Variants in SEMA5A observed in about 807,000 individuals in gnomAD.
SEMA5A encodes the protein semaphorin-5A.
In SEMA5A, 55 loss-of-function variants were observed where a neutral mutation model predicts 135.5. The observed-to-expected ratio is 0.41, with a 90% CI of 0.33 to 0.51. The LOEUF is 0.51. Among genes scored for constraint, SEMA5A ranks in the 20% least tolerant of loss-of-function variants. The pLI is 0.37. For missense variants in SEMA5A, 1,290 were observed against 1,419.9 expected, an observed-to-expected ratio of 0.91 and a Z score of 1.47; for synonymous variants, 580 against 546.5, an observed-to-expected ratio of 1.06 and a Z score of -0.85.
intron 16 of SEMA5A, among the ~76,000 whole-genome samples, chr5:9,090,500 T>G (rs1001446229): frequency 1.3e-5 from 2 of 152,250 alleles, no homozygotes; most frequent in Non-Finnish European, 2.9e-5. Flanking sequence ...GAAAGAACTC[T>G]TCTCTGCATG....
intron 3 of SEMA5A, among the ~76,000 whole-genome samples, chr5:9,368,022 G>A (rs1754988329): frequency 6.6e-6 from 1 of 152,188 alleles, no homozygotes. Context: ...CTGCAGAACT[G>A]TTAGTCAAAT....
At chr5:9,088,707 G>A (rs1738867963) in intron 16 of SEMA5A, among the ~76,000 whole-genome samples, 1 of 146,392 alleles carries the variant, frequency 6.8e-6, no homozygotes, top group African/African-American at 2.6e-5. Context: ...CCAAATAGGA[G>A]TGTGGACACT....
chr5:9,520,141 A>G (rs868201218), intron 1 of SEMA5A, among the ~76,000 whole-genome samples: 19 of 152,316 alleles, frequency 1.2e-4, no homozygotes, highest in Middle Eastern at 3.4e-3. Flanking sequence ...TTGTAACCTC[A>G]GAGGTACAGA....
intron 13 of SEMA5A, among the ~76,000 whole-genome samples, chr5:9,128,516 G>T (rs1453980154): frequency 1.3e-5 from 2 of 152,198 alleles, no homozygotes; most frequent in East Asian, 3.8e-4. Context: ...GGGAATCAAA[G>T]ACTTGCTCAT....
intron 1 of SEMA5A, among the ~76,000 whole-genome samples, chr5:9,543,094 C>T (rs1265061627): frequency 6.6e-6 from 1 of 152,202 alleles, no homozygotes; most frequent in African/African-American, 2.4e-5. Flanking sequence ...CTCTCTCTAA[C>T]ATCAGGAGCA....
intron 15 of SEMA5A, among the ~76,000 whole-genome samples, chr5:9,117,162 C>T (rs946972020): frequency 6.6e-6 from 1 of 152,222 alleles, no homozygotes; most frequent in African/African-American, 2.4e-5. Context: ...ATTGAAGACA[C>T]CGCTGTATCT....
In SEMA5A at chr5:9,545,279, G is replaced by GT. The variant is rs1738326668; in HGVS notation, c.-175+304dup. Reference sequence around the variant, plus strand: ...GCACCTTTCCGGGTGTTGGGCAGGGGTCCCGTCTCGCCCACCGCGACACTC... The same window carrying GT: ...GCACCTTTCCGGGTGTTGGGCAGGGGTTCCCGTCTCGCCCACCGCGACACTC... On this transcript the variant is annotated intron_variant, in intron 1 of 22. Transcript: ENST00000382496. This position sits in a 1 kb window ranked among gnomAD's most constrained non-coding sequence, Gnocchi z 4.5. 6.6e-6 allele frequency among the ~76,000 whole-genome samples: 1 copy of GT among 152,032 alleles called. No individual in the cohort carries two copies. Among genetic ancestry groups the GT allele is most frequent in the Admixed American group, 6.5e-5 (1 of 15,282 alleles).
intron 5 of SEMA5A, among the ~76,000 whole-genome samples, chr5:9,259,051 A>C (rs1749254412): frequency 6.6e-6 from 1 of 151,578 alleles, no homozygotes; most frequent in Non-Finnish European, 1.5e-5. Context: ...GGAACTCCTG[A>C]CCTCGGGTGA....
intron 16 of SEMA5A, among the ~76,000 whole-genome samples, chr5:9,083,699 C>T (rs1357269477): frequency 6.6e-6 from 1 of 152,124 alleles, no homozygotes; most frequent in Non-Finnish European, 1.5e-5. Flanking sequence ...CCTGAGAATT[C>T]TCAGACACCA....
intron 1 of SEMA5A, among the ~76,000 whole-genome samples, chr5:9,476,208 A>T (rs961883900): frequency 1.3e-5 from 2 of 152,256 alleles, no homozygotes; most frequent in Non-Finnish European, 2.9e-5. Context: ...AAAAGCAATG[A>T]ACATCTACAA....
intron 1 of SEMA5A, among the ~76,000 whole-genome samples, chr5:9,496,137 TG>T (rs1469868411): frequency 1.3e-5 from 2 of 152,164 alleles, no homozygotes; most frequent in African/African-American, 4.8e-5. Flanking sequence ...CTCTGCCTCC[TG>T]GGTTCAAGCA....
intron 1 of SEMA5A, among the ~76,000 whole-genome samples, chr5:9,515,972 A>G (rs1736488277): frequency 1.3e-5 from 2 of 152,228 alleles, no homozygotes; most frequent in South Asian, 2.1e-4. Flanking sequence ...TCATTTTCTC[A>G]TATCTGAATA....
chr5:9,187,811 G>C (rs149894464), intron 11 of SEMA5A, among the ~76,000 whole-genome samples: 8 of 152,320 alleles, frequency 5.3e-5, no homozygotes, highest in Non-Finnish European at 1.0e-4. Context: ...AATCAGATCT[G>C]CACATCAGAC....
chr5:9,224,208 ATACATTTTT>A (rs1419376314), intron 8 of SEMA5A, among the ~76,000 whole-genome samples: 10 of 152,162 alleles, frequency 6.6e-5, no homozygotes, highest in Admixed American at 5.9e-4. Context: ...ATGTGAGTTG[ATACATTTTT>A]TACATTTTTA....
intron 3 of SEMA5A, among the ~76,000 whole-genome samples, chr5:9,356,373 C>G (rs769109304): frequency 2.0e-5 from 3 of 152,058 alleles, no homozygotes; most frequent in Non-Finnish European, 4.4e-5. Flanking sequence ...GTCTGTGCCT[C>G]AGGGAATGGA....
intron 5 of SEMA5A, among the ~76,000 whole-genome samples, chr5:9,275,130 T>TA (rs1384596748): frequency 2.0e-5 from 3 of 151,838 alleles, no homozygotes; most frequent in Admixed American, 6.6e-5. Context: ...GTAGATGCAA[T>TA]AAAAAATGAT....
intron 1 of SEMA5A, among the ~76,000 whole-genome samples, chr5:9,533,441 T>C (rs1480832518): frequency 6.6e-6 from 1 of 152,210 alleles, no homozygotes; most frequent in East Asian, 1.9e-4. Context: ...AAATATAGAA[T>C]TTAATGTCTT....
chr5:9,432,011 C>A (rs1169706770), intron 2 of SEMA5A, among the ~76,000 whole-genome samples: 4 of 152,258 alleles, frequency 2.6e-5, no homozygotes, highest in African/African-American at 7.2e-5. Flanking sequence ...GGGGAAAAGG[C>A]CCAAATCTCA....
chr5:9,168,559 C>T (rs1253242207), intron 11 of SEMA5A, among the ~76,000 whole-genome samples: 2 of 152,190 alleles, frequency 1.3e-5, no homozygotes, highest in Non-Finnish European at 2.9e-5. Flanking sequence ...GGCCAAGGGC[C>T]TCCCTCCATC....
Sources: gnomAD v4.1 joint callset for allele counts (sites outside exome capture counted in the v4.1 genomes callset) on GRCh38, gnomAD v4.1.1 for gene constraint, Gnocchi (gnomAD v3.1) non-coding constraint, MANE v1.5 for transcripts, NCBI Gene and HGNC (gene_info 2026-07-23, HGNC 2026-07-21) for gene names.